ADAM19: variants seen among roughly 807,000 people sequenced by gnomAD.
ADAM19 encodes the protein ADAM metallopeptidase domain 19, also known as disintegrin and metalloproteinase domain-containing protein 19.
In ADAM19, 65 loss-of-function variants were observed where a neutral mutation model predicts 114.7. The ratio of observed to expected loss-of-function variants is 0.57; its 90% CI spans 0.46 to 0.70. ADAM19 has a LOEUF of 0.70. Ranked by LOEUF, ADAM19 falls within the 30% of genes least tolerant of loss-of-function variation. The probability of loss-of-function intolerance (pLI) is 0.00; values close to 1 mark genes in which losing one functional copy is unlikely to be tolerated. For synonymous variants in ADAM19, 466 were observed against 460.5 expected, an observed-to-expected ratio of 1.01 and a Z score of -0.15; for missense variants, 1,063 against 1,204.7, an observed-to-expected ratio of 0.88 and a Z score of 1.74.
intron 1 of ADAM19, 29 bp downstream of exon 1, chr5:157,575,574 C>T (rs531586111): frequency 2.8e-6 from 4 of 1,440,964 alleles, no homozygotes; most frequent in East Asian, 3.0e-5. Context: ...GGCCACCCAG[C>T]CTCCATCCCC....
intron 3 of ADAM19, among the ~76,000 whole-genome samples, chr5:157,556,203 C>CTTTTTTTTTTTTT (rs1561555558): frequency 1.3e-5 from 1 of 77,314 alleles, no homozygotes; most frequent in Non-Finnish European, 2.6e-5. Flanking sequence ...GTTTTTTTTT[C>CTTTTTTTTTTTTT]TTTTTCTTTT....
In ADAM19 at chr5:157,477,498, GAC is replaced by G. The variant is rs1754629762; in HGVS notation, c.*3449_*3450del. 2 of 1,091,560 alleles carry G rather than the reference GAC, an allele frequency of 1.8e-6. No homozygotes were observed. The highest frequency in any genetic ancestry group is 4.9e-5 in the South Asian group (2 of 40,864). The allele number at this position is 1,091,560 out of a possible 1,614,324, so 67.6% of individuals were successfully genotyped here. A position where few individuals can be genotyped will look rare whatever the true frequency, so the allele number is the denominator to read the frequency against. On this transcript the variant is annotated 3_prime_UTR_variant, in exon 23 of 23. Transcript: ENST00000257527. ...AAAATTCACATTGCCCTGGATCCCA[GAC>G]ACATACAAACGCACAGTGGACGGTG...
At chr5:157,574,205 G>T (rs559846350) in intron 1 of ADAM19, among the ~76,000 whole-genome samples, 1 of 152,278 alleles carries the variant, frequency 6.6e-6, no homozygotes, top group East Asian at 1.9e-4. Context: ...GTGGATTTGG[G>T]GGTTGCAGAT....
chr5:157,488,328 C>T lies in ADAM19; in HGVS notation c.2487G>A (p.Glu829=), dbSNP rs1755021392. The part of the protein sequence containing the change: ...PGPGSQIERT[E]SSRRPPPSRP... ...GGCTTGGAGGAGGCCTCCTGGACGA[C>T]TCCGTCCTCTCTATTTGAGACCCGG... The change falls in exon 21 of 23, where the codon GAG becomes GAA. Residue 829 remains glutamate, a synonymous_variant. Coordinates refer to ENST00000257527, the MANE Select transcript of ADAM19 (RefSeq NM_033274.5). The T allele has an allele frequency of 6.2e-7, 1 of 1,614,076 alleles. No individual in the cohort carries two copies. Among genetic ancestry groups the T allele is most frequent in the Non-Finnish European group, 8.5e-7 (1 of 1,180,032 alleles).
At chr5:157,481,724 C>T (rs776853383) in intron 22 of ADAM19, 67 bp downstream of exon 22, 390 of 1,551,892 alleles carry the variant, frequency 2.5e-4, no homozygotes, top group Non-Finnish European at 3.1e-4. Flanking sequence ...GTTTTCTCAA[C>T]TCTACACCTG....
rs571751922 is a variant in ADAM19 at position 157,519,376 on chromosome 5, G to A, written c.600+463C>T. Among the ~76,000 whole-genome samples, 9 of 152,076 alleles carry A rather than the reference G, an allele frequency of 5.9e-5. No individual in the cohort carries two copies. The South Asian group carries it at 6.3e-4, about 11-fold the overall frequency. ...GTCTCGCTCTGTCACCCAGGCTTCC[G>A]GGTTCAAGTGATTCCCGTGCCCCAG... is the stretch of plus-strand genomic sequence containing the variant. On this transcript the variant is annotated intron_variant, in intron 6 of 22. Coordinates refer to ENST00000257527, the MANE Select transcript of ADAM19 (RefSeq NM_033274.5).
At chr5:157,515,352 C>T (rs1756060908) in intron 7 of ADAM19, among the ~76,000 whole-genome samples, 1 of 152,224 alleles carries the variant, frequency 6.6e-6, no homozygotes, top group African/African-American at 2.4e-5. Flanking sequence ...TATTAATCTT[C>T]TCTTCAAAGA....
chr5:157,504,486 G>A (rs1007344870), intron 11 of ADAM19, among the ~76,000 whole-genome samples: 9 of 152,058 alleles, frequency 5.9e-5, no homozygotes, highest in African/African-American at 2.2e-4. Flanking sequence ...CCTGACCTCA[G>A]GTGAACTGCC....
At chr5:157,546,762 G>A (rs571484719) in intron 3 of ADAM19, among the ~76,000 whole-genome samples, 161 of 152,324 alleles carry the variant, frequency 1.1e-3, no homozygotes, top group African/African-American at 3.7e-3. Context: ...TTTCTGCAAG[G>A]AGGAAAGGGG....
intron 2 of ADAM19, among the ~76,000 whole-genome samples, chr5:157,570,046 G>C (rs1048247290): frequency 6.6e-6 from 1 of 152,162 alleles, no homozygotes; most frequent in Non-Finnish European, 1.5e-5. Flanking sequence ...GATCACTTGA[G>C]GTCAGGAGTT....
chr5:157,477,826 T>C lies in ADAM19; in HGVS notation c.*3123A>G. On this transcript the variant is annotated 3_prime_UTR_variant, in exon 23 of 23. Transcript: ENST00000257527. ...ATTGCAGGAGGTGGGGAGGGGCTAT[T>C]GCTTCAGGGGGAAGGGACTATGGCA... is the stretch of plus-strand genomic sequence containing the variant. 1 of 856,408 alleles carries C rather than the reference T, an allele frequency of 1.2e-6. No individual in the cohort carries two copies. Among genetic ancestry groups the C allele is most frequent in the Non-Finnish European group, 1.7e-6 (1 of 596,192 alleles). 53.1% of individuals were successfully genotyped at this position (856,408 alleles called of 1,614,324 possible).
intron 3 of ADAM19, among the ~76,000 whole-genome samples, chr5:157,541,214 G>C (rs558569385): frequency 2.8e-4 from 42 of 152,272 alleles, no homozygotes; most frequent in Admixed American, 6.5e-4. Flanking sequence ...CCTCCCTGAC[G>C]AGGGGCTGGC....
chr5:157,490,866 TG>T (rs1755129455), intron 18 of ADAM19, among the ~76,000 whole-genome samples: 1 of 136,558 alleles, frequency 7.3e-6, no homozygotes, highest in Admixed American at 8.2e-5. Context: ...CACTCCAGCC[TG>T]GGTGACAGAG....
chr5:157,481,855 G>A lies in ADAM19; in HGVS notation c.2639C>T (p.Ser880Phe), dbSNP rs768709751. 12 of 1,592,228 alleles carry A rather than the reference G, an allele frequency of 7.5e-6. No individual in the cohort carries two copies. Among genetic ancestry groups the A allele is most frequent in the Middle Eastern group, 1.7e-4 (1 of 6,036 alleles). Residue 880 changes from serine (S) to phenylalanine (F), a missense_variant, in exon 22 of 23, where the codon TCC becomes TTC. Transcript: ENST00000257527. ...GCCAGCACCAGGGGGCCGCAGTGGG[G>A]ATGCACCTCCTGGCCTGGGGAGGCT... ...RRSLPRPGGA[S>F]PLRPPGAGPQ... is the part of the protein sequence containing the mutation.
chr5:157,510,698 G>A (rs1755893164), intron 8 of ADAM19, among the ~76,000 whole-genome samples: 1 of 152,130 alleles, frequency 6.6e-6, no homozygotes, highest in African/African-American at 2.4e-5. Context: ...ATGTTTTTGA[G>A]ATGTATCCAT....
chr5:157,487,064 T>C (rs1367631655), intron 21 of ADAM19, among the ~76,000 whole-genome samples: 1 of 152,120 alleles, frequency 6.6e-6, no homozygotes, highest in Admixed American at 6.5e-5. Context: ...ACCTTGACCT[T>C]GGACTCTTAG....
intron 16 of ADAM19, 140 bp from the exon 17 acceptor site, chr5:157,492,052 G>A (rs1265663642): frequency 1.4e-6 from 1 of 717,382 alleles, no homozygotes; most frequent in Non-Finnish European, 2.4e-6. Context: ...AGCACTTTGG[G>A]AGGCTGAGGT....
chr5:157,506,126 T>A (rs981159806), intron 10 of ADAM19, among the ~76,000 whole-genome samples: 1 of 152,190 alleles, frequency 6.6e-6, no homozygotes, highest in Non-Finnish European at 1.5e-5. Flanking sequence ...CTTCTGAACA[T>A]ATATATTTCT....
At chr5:157,550,915 C>T (rs183615116) in intron 3 of ADAM19, among the ~76,000 whole-genome samples, 92 of 152,228 alleles carry the variant, frequency 6.0e-4, no homozygotes, top group Non-Finnish European at 4.4e-4. Context: ...CTACTCTGCA[C>T]GTTTGATAAT....
Sources: allele counts gnomAD v4.1 joint callset (sites outside exome capture counted in the v4.1 genomes callset), GRCh38; gene constraint gnomAD v4.1.1; transcripts MANE v1.5; gene names NCBI Gene and HGNC (gene_info 2026-07-23, HGNC 2026-07-21).